The following TOMM7 variants were observed in gnomAD, a reference collection of about 807,000 sequenced individuals.
TOMM7 encodes translocase of outer mitochondrial membrane 7, also known as mitochondrial import receptor subunit TOM7 homolog.
Under a neutral mutation model 9.5 loss-of-function variants are expected in TOMM7, and 8 were observed. That is an observed-to-expected ratio of 0.84 (90% CI 0.49 to 1.51). TOMM7 has a LOEUF of 1.51. Among genes scored for constraint, TOMM7 ranks in the 40% most tolerant of loss-of-function variants. The pLI, the probability that TOMM7 is intolerant of heterozygous loss-of-function variation, is 0.00. For synonymous variants in TOMM7, 27 were observed against 21.4 expected, an observed-to-expected ratio of 1.26 and a Z score of -0.72; for missense variants, 74 against 63.7, an observed-to-expected ratio of 1.16 and a Z score of -0.55.
At chr7:22,814,620 C>T (rs534685021) in intron 2 of TOMM7, among the ~76,000 whole-genome samples, 1 of 152,270 alleles carries the variant, frequency 6.6e-6, no homozygotes, top group South Asian at 2.1e-4. Context: ...ATTCTCTTAA[C>T]CTTGATAGTC....
In TOMM7 at chr7:22,822,029, C is replaced by T. The variant is rs747692630; in HGVS notation, c.103+648G>A. On this transcript the variant is annotated intron_variant, in intron 1 of 2. Transcript: ENST00000358435. Reference sequence around the variant, plus strand: ...ACAAAAACCAAAAAAACCCCAAATCCTTTAAGTGCGCTATAATGGTTAAGA... The same window carrying T: ...ACAAAAACCAAAAAAACCCCAAATCTTTTAAGTGCGCTATAATGGTTAAGA... 2.0e-5 allele frequency: 24 copies of T among 1,181,864 alleles called. 1 individual carries two copies. Among genetic ancestry groups the T allele is most frequent in the Non-Finnish European group, 2.7e-5 (24 of 874,318 alleles). 73.2% of individuals were successfully genotyped at this position (1,181,864 alleles called of 1,614,324 possible). A position where few individuals can be genotyped will look rare whatever the true frequency, so the allele number is the denominator to read the frequency against.
At chr7:22,821,705 G>A (rs953663641) in intron 1 of TOMM7, among the ~76,000 whole-genome samples, 1 of 151,750 alleles carries the variant, frequency 6.6e-6, no homozygotes, top group African/African-American at 2.4e-5. Context: ...GGCAGAGATC[G>A]CGCCACTACA....
At chr7:22,819,177 C>A (rs1583463833) in intron 1 of TOMM7, among the ~76,000 whole-genome samples, 1 of 151,918 alleles carries the variant, frequency 6.6e-6, no homozygotes, top group Non-Finnish European at 1.5e-5. Flanking sequence ...GTTGAAGCAA[C>A]TGACTAAGTT....
rs1255709934 is a variant in TOMM7 at position 22,822,746 on chromosome 7, G to C, written c.34C>G (p.Leu12Val). ...VKLSKEAKQR[L>V]QQLFKGSQFA... ...TGGCTCCCCTTGAAGAGCTGCTGTA[G>C]TCTCTGCTTGGCCTCTTTGCTCAGC... Residue 12 changes from leucine to valine, a missense_variant, in exon 1 of 3, where the codon CTA (leucine) becomes GTA (valine). Leu to Val is a conservative substitution (Grantham distance 32). Coordinates refer to ENST00000358435, the MANE Select transcript of TOMM7 (RefSeq NM_019059.5). The C allele has an allele frequency of 6.2e-6, 10 of 1,614,100 alleles. No individual in the cohort carries two copies. Among genetic ancestry groups the C allele is most frequent in the Non-Finnish European group, 8.5e-6 (10 of 1,180,032 alleles).
intron 2 of TOMM7, 128 bp from the exon 3 acceptor site, chr7:22,813,313 G>A: frequency 1.3e-6 from 1 of 783,616 alleles, no homozygotes; most frequent in Non-Finnish European, 2.1e-6. Flanking sequence ...AGTTGTGAAA[G>A]ACAAGGATCA....
intron 1 of TOMM7, chr7:22,822,062 C>T: frequency 7.0e-7 from 1 of 1,421,936 alleles, no homozygotes; most frequent in South Asian, 1.3e-5. Context: ...AGACTATGGG[C>T]TCTGATGCCC....
chr7:22,817,789 TAAAA>T, intron 2 of TOMM7: 1 of 483,460 alleles, frequency 2.1e-6, no homozygotes, highest in Non-Finnish European at 3.8e-6. Flanking sequence ...CTTTTTCTGT[TAAAA>T]TATGCTTCAT....
rs1479322842 is a variant in TOMM7, at chr7:22,822,815, A to G, written c.-36T>C. The G allele has an allele frequency of 5.2e-6, 8 of 1,539,802 alleles. No homozygotes were observed. The highest frequency in any genetic ancestry group is 7.2e-6 in the Non-Finnish European group (8 of 1,112,766). ...GTGTGGCGCAGGGAGGACCCCTTAC[A>G]GCAACCACAGCGTCGGGAATCCGAA... On this transcript the variant is annotated 5_prime_UTR_variant, in exon 1 of 3. Coordinates refer to ENST00000358435, the MANE Select transcript of TOMM7 (RefSeq NM_019059.5).
rs747805671 is a variant in TOMM7 at position 22,822,780 on chromosome 7, G to A, written c.-1C>T. 3.7e-6 allele frequency: 6 copies of A among 1,613,858 alleles called. No individual in the cohort carries two copies. The highest frequency in any genetic ancestry group is 2.2e-5 in the East Asian group (1 of 44,882). ...TGGCCTCTTTGCTCAGCTTCACCAT[G>A]GCGACGGCCGTGTGGCGCAGGGAGG... On this transcript the variant is annotated 5_prime_UTR_variant, in exon 1 of 3. Transcript: ENST00000358435.
Position 22,822,839 on chromosome 7 carries a change from A to G in TOMM7, c.-60T>C, listed in dbSNP as rs910660539. The G allele has an allele frequency of 3.5e-6, 5 of 1,411,350 alleles. No homozygotes were observed. Among genetic ancestry groups the G allele is most frequent in the Non-Finnish European group, 5.0e-6 (5 of 997,306 alleles). 87.4% of individuals were successfully genotyped at this position (1,411,350 alleles called of 1,614,324 possible). A position where few individuals can be genotyped will look rare whatever the true frequency, so the allele number is the denominator to read the frequency against. On this transcript the variant is annotated 5_prime_UTR_variant, in exon 1 of 3. Transcript: ENST00000358435. ...CAGCAACCACAGCGTCGGGAATCCG[A>G]AAGGGAAAGGAGGTGCGCAGGCGCC...
chr7:22,820,922 CAG>C (rs1351855894), intron 1 of TOMM7, among the ~76,000 whole-genome samples: 5 of 151,176 alleles, frequency 3.3e-5, no homozygotes, highest in Admixed American at 1.3e-4. Context: ...GCTGCTTAGT[CAG>C]AGTGTACTTT....
intron 2 of TOMM7, among the ~76,000 whole-genome samples, chr7:22,815,747 T>G: frequency 6.8e-6 from 1 of 148,136 alleles, no homozygotes; most frequent in Non-Finnish European, 1.5e-5. Context: ...CTTCGGGAGG[T>G]CGAGGCAGGA....
At chr7:22,813,259 G>GA in intron 2 of TOMM7, 74 bp from the exon 3 acceptor site, 1 of 1,364,336 alleles carries the variant, frequency 7.3e-7, no homozygotes, top group Non-Finnish European at 1.0e-6. Context: ...CTAAGACCTA[G>GA]AAAATTTTAT....
chr7:22,818,617 G>A (rs1473275612), intron 1 of TOMM7, among the ~76,000 whole-genome samples: 1 of 151,928 alleles, frequency 6.6e-6, no homozygotes, highest in Non-Finnish European at 1.5e-5. Flanking sequence ...CACTGCACAC[G>A]GCCATTATTC....
At position 22,822,827 on chromosome 7, in the gene TOMM7, G is replaced by T; in HGVS notation, c.-48C>A. ...GAGGACCCCTTACAGCAACCACAGC[G>T]TCGGGAATCCGAAAGGGAAAGGAGG... is the stretch of plus-strand genomic sequence containing the variant. On this transcript the variant is annotated 5_prime_UTR_variant, in exon 1 of 3. Transcript: ENST00000358435. 1.3e-6 allele frequency: 2 copies of T among 1,504,758 alleles called. No individual in the cohort carries two copies. Among genetic ancestry groups the T allele is most frequent in the Non-Finnish European group, 1.8e-6 (2 of 1,081,384 alleles). The allele number at this position is 1,504,758 out of a possible 1,614,324, so 93.2% of individuals were successfully genotyped here.
chr7:22,814,770 G>A (rs1487000870), intron 2 of TOMM7, among the ~76,000 whole-genome samples: 2 of 152,176 alleles, frequency 1.3e-5, no homozygotes, highest in Admixed American at 6.5e-5. Context: ...TAAGATGAAT[G>A]TGGTCCTAAT....
chr7:22,815,425 G>A (rs993701048), intron 2 of TOMM7, among the ~76,000 whole-genome samples: 2 of 152,044 alleles, frequency 1.3e-5, no homozygotes, highest in African/African-American at 4.8e-5. Context: ...GCCAGGTGCT[G>A]TGGCTCATGC....
rs777260166 is a variant in TOMM7, at chr7:22,822,785, C to T, written c.-6G>A. On this transcript the variant is annotated 5_prime_UTR_variant, in exon 1 of 3. Transcript: ENST00000358435. Reference sequence around the variant, plus strand: ...TCTTTGCTCAGCTTCACCATGGCGACGGCCGTGTGGCGCAGGGAGGACCCC... The same window carrying T: ...TCTTTGCTCAGCTTCACCATGGCGATGGCCGTGTGGCGCAGGGAGGACCCC... 5.0e-6 allele frequency: 8 copies of T among 1,613,230 alleles called. No individual in the cohort carries two copies. The African/African-American group carries it at 5.3e-5, about 11-fold the overall frequency.
At chr7:22,814,349 CAAAAAAAA>C (rs58506942) in intron 2 of TOMM7, among the ~76,000 whole-genome samples, 4 of 91,022 alleles carry the variant, frequency 4.4e-5, no homozygotes, top group African/African-American at 1.9e-4. Context: ...GACTCCGACT[CAAAAAAAA>C]AAAAAAAAAA....
Sources: allele counts gnomAD v4.1 joint callset (sites outside exome capture counted in the v4.1 genomes callset), GRCh38; gene constraint gnomAD v4.1.1; transcripts MANE v1.5; gene names NCBI Gene and HGNC (gene_info 2026-07-23, HGNC 2026-07-21).